The following KDELR3 variants were observed in gnomAD, a reference collection of about 807,000 sequenced individuals.
KDELR3 encodes the protein KDEL endoplasmic reticulum protein retention receptor 3, also known as ER lumen protein-retaining receptor 3.
KDELR3 carries 26 observed loss-of-function variants against 22.7 expected under a neutral mutation model. The ratio of observed to expected loss-of-function variants is 1.15; its 90% CI spans 0.84 to 1.59. The LOEUF is 1.59. Among genes scored for constraint, KDELR3 ranks in the 40% most tolerant of loss-of-function variants. The pLI is 0.00. For synonymous variants in KDELR3, 120 were observed against 98.2 expected, an observed-to-expected ratio of 1.22 and a Z score of -1.31; for missense variants, 289 against 251.1, an observed-to-expected ratio of 1.15 and a Z score of -1.02.
intron 3 of KDELR3, 64 bp from the exon 4 acceptor site, chr22:38,481,148 G>T (rs183028088): frequency 6.4e-6 from 9 of 1,398,482 alleles, no homozygotes; most frequent in African/African-American, 1.4e-5. Flanking sequence ...TAGTAATTAT[G>T]TTCTTTTAAG....
chr22:38,482,831 T>C lies in KDELR3; in HGVS notation c.*295T>C, dbSNP rs535547860. ...ACGAAATAAAAAACATAAATGATTG[T>C]TCTCCAAGGCCTGAGGGCAAGACTC... On this transcript the variant is annotated 3_prime_UTR_variant, in exon 5 of 5. Transcript: ENST00000216014. 3.8e-5 allele frequency: 15 copies of C among 398,996 alleles called. No homozygotes were observed. The East Asian group carries it at 5.6e-4, about 15-fold the overall frequency. The allele number at this position is 398,996 out of a possible 1,614,324, so 24.7% of individuals were successfully genotyped here.
At chr22:38,475,024 G>C (rs1204297433) in intron 2 of KDELR3, among the ~76,000 whole-genome samples, 1 of 140,204 alleles carries the variant, frequency 7.1e-6, no homozygotes, top group Non-Finnish European at 1.5e-5. Flanking sequence ...AGGTTGCAGT[G>C]AGCCGAGATC....
At chr22:38,469,017 T>C (rs560560674) in intron 1 of KDELR3, among the ~76,000 whole-genome samples, 24 of 152,350 alleles carry the variant, frequency 1.6e-4, no homozygotes, top group Admixed American at 3.9e-4. Context: ...GGCATCCTCG[T>C]GGTGCCCTCC....
In KDELR3 at chr22:38,482,491, T is replaced by A. The variant is rs763044617; in HGVS notation, c.605-5T>A. 6.2e-7 allele frequency: 1 copy of A among 1,609,944 alleles called. No individual in the cohort carries two copies. The highest frequency in any genetic ancestry group is 8.5e-7 in the Non-Finnish European group (1 of 1,176,202). On this transcript the variant is annotated splice_polypyrimidine_tract_variant and splice_region_variant and intron_variant, in intron 4 of 4. Transcript: ENST00000216014. ...AATTCTTATTTCATCTCCATTTTCT[T>A]CCAGTCCTTAAGGGAAAGAAGTTAA...
chr22:38,479,258 A>C (rs925908317), intron 2 of KDELR3, among the ~76,000 whole-genome samples: 9 of 152,144 alleles, frequency 5.9e-5, no homozygotes, highest in African/African-American at 2.2e-4. Context: ...TTGTTTTAAA[A>C]TTGTTTCAAG....
At chr22:38,478,904 A>C (rs567812235) in intron 2 of KDELR3, among the ~76,000 whole-genome samples, 1 of 151,962 alleles carries the variant, frequency 6.6e-6, no homozygotes, top group African/African-American at 2.4e-5. Context: ...TGGCCTCCCA[A>C]GGTGCTGGGA....
chr22:38,468,344 G>A lies in KDELR3; in HGVS notation c.91+20G>A. On this transcript the variant is annotated intron_variant, in intron 1 of 4. Coordinates refer to ENST00000216014, the MANE Select transcript of KDELR3 (RefSeq NM_006855.4). ...GCAAGGGTGAGGGGCGCCTGGCAGG[G>A]AGGTGCGGGACCCCCTCTCTGGCCA... 2 of 1,609,678 alleles carry A rather than the reference G, an allele frequency of 1.2e-6. No homozygotes were observed. Among genetic ancestry groups the A allele is most frequent in the Non-Finnish European group, 1.7e-6 (2 of 1,176,730 alleles).
chr22:38,468,812 G>C (rs2145960563), intron 1 of KDELR3, among the ~76,000 whole-genome samples: 1 of 152,326 alleles, frequency 6.6e-6, no homozygotes, highest in South Asian at 2.1e-4. Flanking sequence ...GATGTGGCAG[G>C]AGGGCACCAG....
intron 1 of KDELR3, chr22:38,474,264 A>T: frequency 2.9e-6 from 1 of 350,464 alleles, no homozygotes; most frequent in Non-Finnish European, 5.3e-6. Flanking sequence ...ACGCAGGGGG[A>T]CTGGGAACTC....
At chr22:38,474,258 A>AG in intron 1 of KDELR3, 1 of 347,976 alleles carries the variant, frequency 2.9e-6, no homozygotes. Flanking sequence ...AGGCACACGC[A>AG]GGGGGACTGG....
intron 1 of KDELR3, among the ~76,000 whole-genome samples, chr22:38,473,961 G>A (rs2089540976): frequency 7.1e-6 from 1 of 141,536 alleles, no homozygotes; most frequent in Non-Finnish European, 1.5e-5. Flanking sequence ...GCAACAGAGT[G>A]AGACTCCATC....
At chr22:38,472,550 C>T (rs1321417325) in intron 1 of KDELR3, among the ~76,000 whole-genome samples, 3 of 151,976 alleles carry the variant, frequency 2.0e-5, no homozygotes, top group South Asian at 2.1e-4. Flanking sequence ...GCATGGATTC[C>T]GGGATGGAAT....
In KDELR3 at chr22:38,481,031, A is replaced by C. The variant is rs571401019; in HGVS notation, c.352-181A>C. On this transcript the variant is annotated intron_variant, in intron 3 of 4. Coordinates refer to ENST00000216014, the MANE Select transcript of KDELR3 (RefSeq NM_006855.4). ...AATCTTTCAAAAATTAGAAAAAAAA[A>C]CCCTTATATTTACCTAGAGATGGTA... Among the ~76,000 whole-genome samples the C allele has an allele frequency of 4.1e-4, 63 of 152,258 alleles. No homozygotes were observed. The East Asian group carries it at 4.2e-3, about 10-fold the overall frequency.
At chr22:38,474,418 G>A (rs2145965079) in intron 1 of KDELR3, 105 bp from the exon 2 acceptor site, 4 of 816,984 alleles carry the variant, frequency 4.9e-6, no homozygotes, top group South Asian at 1.6e-5. Flanking sequence ...TTGAGTGGGA[G>A]TGGACACTCT....
At chr22:38,470,985 TA>T (rs1276504703) in intron 1 of KDELR3, among the ~76,000 whole-genome samples, 2 of 151,822 alleles carry the variant, frequency 1.3e-5, no homozygotes, top group Non-Finnish European at 2.9e-5. Context: ...CCACTAAAAA[TA>T]CAAAAAAATT....
intron 2 of KDELR3, 132 bp downstream of exon 2, chr22:38,474,755 T>C: frequency 2.9e-6 from 2 of 687,728 alleles, no homozygotes; most frequent in Non-Finnish European, 5.1e-6. Flanking sequence ...GCTTAGTGGC[T>C]GCAAGACCTC....
intron 1 of KDELR3, among the ~76,000 whole-genome samples, chr22:38,473,889 A>G (rs1165473750): frequency 1.3e-5 from 2 of 151,926 alleles, no homozygotes; most frequent in Non-Finnish European, 2.9e-5. Context: ...CAGGAGAATC[A>G]CTTGAACCCA....
chr22:38,468,399 G>T, intron 1 of KDELR3, 75 bp downstream of exon 1: 1 of 1,349,210 alleles, frequency 7.4e-7, no homozygotes, highest in East Asian at 2.3e-5. Context: ...AGGGCAGGGC[G>T]CTCCAGGTGT....
chr22:38,468,420 T>G, intron 1 of KDELR3, 96 bp downstream of exon 1: 1 of 1,017,332 alleles, frequency 9.8e-7, no homozygotes, highest in Admixed American at 2.1e-5. Context: ...CTGCTCAGGG[T>G]GGGGACTCCG....
Sources: allele counts gnomAD v4.1 joint callset (sites outside exome capture counted in the v4.1 genomes callset), GRCh38; gene constraint gnomAD v4.1.1; transcripts MANE v1.5; gene names NCBI Gene and HGNC (gene_info 2026-07-23, HGNC 2026-07-21).